LGI1: variants seen among roughly 807,000 people sequenced by gnomAD.
LGI1 encodes leucine-rich glioma-inactivated protein 1.
Under a neutral mutation model 57.7 loss-of-function variants are expected in LGI1, and 11 were observed. The observed-to-expected ratio is 0.19, with a 90% confidence interval of 0.12 to 0.32. The LOEUF is 0.32. Among genes scored for constraint, LGI1 ranks in the 10% least tolerant of loss-of-function variants. LGI1 has a pLI of 1.00. For synonymous variants in LGI1, 222 were observed against 241.9 expected, an observed-to-expected ratio of 0.92 and a Z score of 0.76; for missense variants, 422 against 661.9, an observed-to-expected ratio of 0.64 and a Z score of 3.98.
chr10:93,796,858 T>G, intron 7 of LGI1, 110 bp from the exon 8 acceptor site: 2 of 879,540 alleles, frequency 2.3e-6, no homozygotes, highest in East Asian at 5.0e-5. Flanking sequence ...ACCAAGGAGA[T>G]CTCTTGTTTC....
intron 4 of LGI1, chr10:93,788,458 A>G (rs2059908428): frequency 1.3e-5 from 2 of 152,194 alleles, no homozygotes; most frequent in Admixed American, 1.3e-4. Flanking sequence ...CCTTTTTTCA[A>G]TAATCTTATG....
intron 4 of LGI1, among the ~76,000 whole-genome samples, chr10:93,783,875 G>A (rs1589767333): frequency 6.6e-6 from 1 of 152,260 alleles, no homozygotes; most frequent in East Asian, 1.9e-4. Context: ...AGCCGGGCAT[G>A]GTGGCGTATG....
At position 93,758,722 on chromosome 10, in the gene LGI1, G is replaced by A; in HGVS notation, c.216-38G>A. Reference sequence around the variant, plus strand: ...TGTGTGTGTGTGTCTCTTTGTGTGTGTCTGTTTGTTTGTTTTCTCTTTTTT... The same window carrying A: ...TGTGTGTGTGTGTCTCTTTGTGTGTATCTGTTTGTTTGTTTTCTCTTTTTT... On this transcript the variant is annotated intron_variant, in intron 1 of 7. Transcript: ENST00000371418. The surrounding 1 kb of genome is among the most constrained non-coding windows in gnomAD (Gnocchi z 4.7). The A allele has an allele frequency of 7.0e-7, 1 of 1,422,660 alleles. No individual in the cohort carries two copies. Among genetic ancestry groups the A allele is most frequent in the Non-Finnish European group, 9.9e-7 (1 of 1,008,792 alleles). 88.1% of individuals were successfully genotyped at this position (1,422,660 alleles called of 1,614,324 possible).
At chr10:93,790,448 G>C (rs949815246) in intron 5 of LGI1, 10 of 399,932 alleles carry the variant, frequency 2.5e-5, no homozygotes, top group African/African-American at 1.9e-4. Flanking sequence ...ACTTTGACGG[G>C]GTGGGAAGAG....
intron 4 of LGI1, among the ~76,000 whole-genome samples, chr10:93,783,871 G>T (rs953834392): frequency 1.3e-5 from 2 of 152,164 alleles, no homozygotes; most frequent in African/African-American, 4.8e-5. Context: ...AATTAGCCGG[G>T]CATGGTGGCG....
chr10:93,784,801 T>C (rs1259483981), intron 4 of LGI1, among the ~76,000 whole-genome samples: 5 of 152,018 alleles, frequency 3.3e-5, no homozygotes, highest in African/African-American at 7.3e-5. Context: ...CAATTCAGGG[T>C]GACACTCTCT....
intron 7 of LGI1, chr10:93,794,003 T>C (rs1256206684): frequency 8.5e-6 from 1 of 117,198 alleles, no homozygotes; most frequent in African/African-American, 3.1e-5. Flanking sequence ...TTTTCTTTTC[T>C]TTTTTCTTTT....
intron 7 of LGI1, among the ~76,000 whole-genome samples, chr10:93,795,551 A>C (rs551159376): frequency 4.1e-4 from 62 of 152,226 alleles, no homozygotes; most frequent in African/African-American, 1.5e-3. Context: ...CTACAACATA[A>C]ATTTTGGAGG....
At position 93,792,643 on chromosome 10, in the gene LGI1, C is replaced by T. The variant is rs75047529; in HGVS notation, c.504-100C>T. On this transcript the variant is annotated intron_variant, in intron 5 of 7. Coordinates refer to ENST00000371418, the MANE Select transcript of LGI1 (RefSeq NM_005097.4). ...CAGGTTATAGGGCAGGATGCAACGC[C>T]GGGTAAGGTCATTCTGCACATGTTA... The T allele has an allele frequency of 3.5e-3, 4,372 of 1,258,062 alleles. 95 individuals are homozygous for T. The African/African-American group carries it at 0.055, about 16-fold the overall frequency. 77.9% of individuals were successfully genotyped at this position (1,258,062 alleles called of 1,614,324 possible).
chr10:93,790,382 C>A, intron 5 of LGI1: 2 of 556,016 alleles, frequency 3.6e-6, no homozygotes, highest in South Asian at 4.8e-5. Flanking sequence ...ATACATGGCA[C>A]CCAGGCATTC....
chr10:93,797,847 A>C lies in LGI1; in HGVS notation c.*44A>C. On this transcript the variant is annotated 3_prime_UTR_variant, in exon 8 of 8. Transcript: ENST00000371418. The surrounding 1 kb of genome is among the most constrained non-coding windows in gnomAD (Gnocchi z 6.5). Reference sequence around the variant, plus strand: ...TGCCATCAGAAATTTTCTACAGTACATGACCCGGATGAACTCAATGCATGA... The same window carrying C: ...TGCCATCAGAAATTTTCTACAGTACCTGACCCGGATGAACTCAATGCATGA... 7.7e-7 allele frequency: 1 copy of C among 1,297,140 alleles called. No individual in the cohort carries two copies. Among genetic ancestry groups the C allele is most frequent in the South Asian group, 1.2e-5 (1 of 84,964 alleles). The allele number at this position is 1,297,140 out of a possible 1,614,324, so 80.4% of individuals were successfully genotyped here. A position where few individuals can be genotyped will look rare whatever the true frequency, so the allele number is the denominator to read the frequency against.
intron 5 of LGI1, 156 bp from the exon 6 acceptor site, chr10:93,792,587 A>C: frequency 1.3e-6 from 1 of 751,706 alleles, no homozygotes; most frequent in Non-Finnish European, 2.4e-6. Context: ...CTCTGAGCCC[A>C]AAGTGAATGA....
intron 2 of LGI1, chr10:93,764,520 A>G (rs2059654415): frequency 6.6e-6 from 1 of 152,188 alleles, no homozygotes; most frequent in African/African-American, 2.4e-5. Context: ...CAAGGGCTTT[A>G]CAGCATCAGC....
chr10:93,763,112 C>T (rs964592818), intron 2 of LGI1: 1 of 152,268 alleles, frequency 6.6e-6, no homozygotes, highest in African/African-American at 2.4e-5. Flanking sequence ...TTTCAGTTCC[C>T]ATCTGACCCA....
At chr10:93,761,388 A>G (rs1293194949) in intron 2 of LGI1, among the ~76,000 whole-genome samples, 1 of 152,224 alleles carries the variant, frequency 6.6e-6, no homozygotes, top group South Asian at 2.1e-4. Context: ...TTCAGAATCA[A>G]TTCGGCTTGA....
intron 4 of LGI1, among the ~76,000 whole-genome samples, chr10:93,783,208 C>T (rs1362458028): frequency 6.6e-6 from 1 of 152,008 alleles, no homozygotes; most frequent in Non-Finnish European, 1.5e-5. Context: ...AACCCCATCT[C>T]TACTAAAAAT....
chr10:93,787,133 A>G (rs2059898251), intron 4 of LGI1, among the ~76,000 whole-genome samples: 1 of 152,144 alleles, frequency 6.6e-6, no homozygotes, highest in South Asian at 2.1e-4. Context: ...TAGTGAATCC[A>G]GGCAGCCTTC....
At chr10:93,771,062 AT>A (rs1254864787) in intron 2 of LGI1, 1 of 152,220 alleles carries the variant, frequency 6.6e-6, no homozygotes, top group East Asian at 1.9e-4. Flanking sequence ...GAATAAAAAA[AT>A]AAATCGAAGA....
At chr10:93,788,260 T>G (rs1194247980) in intron 4 of LGI1, 1 of 152,236 alleles carries the variant, frequency 6.6e-6, no homozygotes, top group African/African-American at 2.4e-5. Flanking sequence ...GACATTCTCT[T>G]GAATAGTCTT....
Sources: gnomAD v4.1 joint callset for allele counts (sites outside exome capture counted in the v4.1 genomes callset) on GRCh38, gnomAD v4.1.1 for gene constraint, Gnocchi (gnomAD v3.1) non-coding constraint, MANE v1.5 for transcripts, NCBI Gene and HGNC (gene_info 2026-07-23, HGNC 2026-07-21) for gene names.